Variants in PLD5 observed in about 807,000 individuals in gnomAD.
The protein encoded by PLD5 is phospholipase D family member 5.
A neutral mutation model predicts 61.1 loss-of-function variants in PLD5; 36 were observed. The ratio of observed to expected loss-of-function variants is 0.59; its 90% confidence interval spans 0.45 to 0.78. The LOEUF (loss-of-function observed/expected upper bound fraction) is 0.78. Among genes scored for constraint, PLD5 ranks in the 30% least tolerant of loss-of-function variants. The pLI is 0.00. For missense variants in PLD5, 515 were observed against 644.4 expected, an observed-to-expected ratio of 0.80 and a Z score of 2.17; for synonymous variants, 243 against 242.8, an observed-to-expected ratio of 1.00 and a Z score of -0.01.
chr1:242,382,140 C>CAAAACAAA (rs1662327181), intron 1 of PLD5, among the ~76,000 whole-genome samples: 1 of 99,192 alleles, frequency 1.0e-5, no homozygotes, highest in African/African-American at 3.9e-5. Flanking sequence ...AAAAAAAAAA[C>CAAAACAAA]AAAACAAAAA....
intron 1 of PLD5, among the ~76,000 whole-genome samples, chr1:242,505,162 A>T (rs1299230528): frequency 6.6e-6 from 1 of 152,172 alleles, no homozygotes; most frequent in Non-Finnish European, 1.5e-5. Context: ...GTCTCAAAAA[A>T]TTTTTTAAAA....
intron 2 of PLD5, among the ~76,000 whole-genome samples, chr1:242,319,807 G>T (rs1325563339): frequency 6.6e-6 from 1 of 152,142 alleles, no homozygotes; most frequent in African/African-American, 2.4e-5. Flanking sequence ...GATTCACTGA[G>T]GACAAGTTGA....
chr1:242,219,794 CT>C (rs1491552376), intron 5 of PLD5, among the ~76,000 whole-genome samples, 193 bp downstream of exon 5: 1 of 152,060 alleles, frequency 6.6e-6, no homozygotes, highest in African/African-American at 2.4e-5. Context: ...ACAGTTTTTA[CT>C]TTTTTTTGTA....
chr1:242,465,941 A>C (rs1366053365), intron 1 of PLD5, among the ~76,000 whole-genome samples: 1 of 152,046 alleles, frequency 6.6e-6, no homozygotes, highest in Non-Finnish European at 1.5e-5. Context: ...GGAGGGAAAG[A>C]AAACAGAAAT....
At chr1:242,205,546 C>A (rs1038162276) in intron 5 of PLD5, among the ~76,000 whole-genome samples, 1 of 152,164 alleles carries the variant, frequency 6.6e-6, no homozygotes, top group African/African-American at 2.4e-5. Flanking sequence ...CCTTCTATAT[C>A]AACACAGAGA....
chr1:242,490,007 T>A (rs917727722), intron 1 of PLD5, among the ~76,000 whole-genome samples: 1 of 152,200 alleles, frequency 6.6e-6, no homozygotes, highest in African/African-American at 2.4e-5. Context: ...CATCAGGCAT[T>A]AGAGGAGCCA....
the PLD5 span, among the ~76,000 whole-genome samples, chr1:242,530,516 G>A: frequency 6.6e-6 from 1 of 151,932 alleles, no homozygotes; most frequent in East Asian, 1.9e-4. Context: ...AGGTTAATCA[G>A]ACAGTTGCCT....
intron 5 of PLD5, among the ~76,000 whole-genome samples, chr1:242,196,485 C>T (rs544659959): frequency 6.6e-6 from 1 of 152,100 alleles, no homozygotes; most frequent in Non-Finnish European, 1.5e-5. Flanking sequence ...ATGATCAGGC[C>T]CTAAATATTT....
At chr1:242,313,205 A>G (rs1037766681) in intron 2 of PLD5, among the ~76,000 whole-genome samples, 4 of 152,204 alleles carry the variant, frequency 2.6e-5, no homozygotes, top group Admixed American at 6.5e-5. Flanking sequence ...AGGAGTCTTC[A>G]ATGCATGTGG....
chr1:242,094,432 T>C (rs1359040703), intron 9 of PLD5, among the ~76,000 whole-genome samples: 1 of 152,190 alleles, frequency 6.6e-6, no homozygotes, highest in Non-Finnish European at 1.5e-5. Flanking sequence ...TGTGAAAACT[T>C]AGTGGAGCAG....
At chr1:242,437,326 C>T (rs568012456) in intron 1 of PLD5, among the ~76,000 whole-genome samples, 4 of 152,252 alleles carry the variant, frequency 2.6e-5, no homozygotes, top group African/African-American at 9.6e-5. Flanking sequence ...ACAATGGCAC[C>T]GACCGCCTGC....
At chr1:242,297,700 C>T (rs1277920978) in intron 2 of PLD5, among the ~76,000 whole-genome samples, 5 of 146,056 alleles carry the variant, frequency 3.4e-5, no homozygotes, top group Non-Finnish European at 7.4e-5. Flanking sequence ...ACTGCAGTGG[C>T]GCAATCTCGG....
intron 4 of PLD5, among the ~76,000 whole-genome samples, chr1:242,246,269 G>A (rs573404003): frequency 2.6e-5 from 4 of 152,200 alleles, no homozygotes; most frequent in South Asian, 4.2e-4. Flanking sequence ...AGGAGGCTAA[G>A]GCAGGAGGAT....
At position 242,214,066 on chromosome 1, in the gene PLD5, C is replaced by T. The variant is rs551548710; in HGVS notation, c.735+5922G>A. ...CTGCAAATAGCTCTCTCTGATTATA[C>T]AGGACAAATAGCGCATGTCCTTCCT... On this transcript the variant is annotated intron_variant, in intron 5 of 9. Transcript: ENST00000536534. Among the ~76,000 whole-genome samples the T allele has an allele frequency of 2.6e-5, 4 of 152,310 alleles. No homozygotes were observed. In the East Asian group the frequency reaches 7.7e-4, roughly 29 times the overall value.
chr1:242,396,496 C>T (rs2149273563), intron 1 of PLD5, among the ~76,000 whole-genome samples: 1 of 152,150 alleles, frequency 6.6e-6, no homozygotes, highest in African/African-American at 2.4e-5. Flanking sequence ...TCTCCAGTTC[C>T]CACTACTCCA....
At chr1:242,193,393 A>G (rs1489729155) in intron 5 of PLD5, among the ~76,000 whole-genome samples, 3 of 152,178 alleles carry the variant, frequency 2.0e-5, no homozygotes, top group African/African-American at 7.2e-5. Context: ...TGGAGTGGTG[A>G]GAGAAAAGGT....
chr1:242,497,494 G>A (rs535775404), intron 1 of PLD5, among the ~76,000 whole-genome samples: 7 of 152,100 alleles, frequency 4.6e-5, no homozygotes, highest in African/African-American at 1.4e-4. Flanking sequence ...ATGGAGGCAG[G>A]TGGGGACAGA....
chr1:242,136,749 G>C (rs891160840), intron 5 of PLD5, among the ~76,000 whole-genome samples: 1 of 152,138 alleles, frequency 6.6e-6, no homozygotes, highest in South Asian at 2.1e-4. Context: ...TCAAAAACAG[G>C]GTAAGATGTG....
intron 4 of PLD5, among the ~76,000 whole-genome samples, chr1:242,263,814 G>A (rs1463608377): frequency 6.6e-5 from 10 of 152,106 alleles, no homozygotes; most frequent in Admixed American, 4.6e-4. Context: ...GCCTTTATTC[G>A]TGCATTTGTC....
Sources: gnomAD v4.1 joint callset for allele counts (sites outside exome capture counted in the v4.1 genomes callset) on GRCh38, gnomAD v4.1.1 for gene constraint, MANE v1.5 for transcripts, NCBI Gene and HGNC (gene_info 2026-07-23, HGNC 2026-07-21) for gene names.